Variants in THOP1 observed in about 807,000 individuals in gnomAD.
THOP1 encodes thimet oligopeptidase 1.
THOP1 carries 49 observed loss-of-function variants against 71.8 expected under a neutral mutation model. The observed-to-expected ratio is 0.68, with a 90% CI of 0.54 to 0.87. The LOEUF (loss-of-function observed/expected upper bound fraction) is 0.87, where lower values mean the gene tolerates loss of function less well. Ranked by LOEUF, THOP1 falls within the 40% of genes least tolerant of loss-of-function variation. THOP1 has a pLI of 0.00. For missense variants in THOP1, 843 were observed against 975.6 expected, an observed-to-expected ratio of 0.86 and a Z score of 1.81; for synonymous variants, 426 against 421.5, an observed-to-expected ratio of 1.01 and a Z score of -0.13.
chr19:2,811,744 GACT>G lies in THOP1; in HGVS notation c.1908+11_1908+13del. On this transcript the variant is annotated intron_variant, in intron 12 of 12. Coordinates refer to ENST00000307741, the MANE Select transcript of THOP1 (RefSeq NM_003249.5). The stretch of plus-strand genomic sequence containing the variant: ...TGTCCTGAACAGCAAGGTACGCGGG[GACT>G]GGGGACAGGGAGGGCGTCCTGAACG... 6.4e-7 allele frequency: 1 copy of G among 1,573,072 alleles called. No individual in the cohort carries two copies. The highest frequency in any genetic ancestry group is 8.6e-7 in the Non-Finnish European group (1 of 1,157,082).
Position 2,796,170 on chromosome 19 carries a change from C to T in THOP1, c.468C>T (p.Leu156=). 1.2e-6 allele frequency: 2 copies of T among 1,613,248 alleles called. No homozygotes were observed. The highest frequency in any genetic ancestry group is 1.7e-6 in the Non-Finnish European group (2 of 1,179,672). ...IKLGRRNGLH[L]PRETQENIKR... is the part of the protein sequence containing the mutation. ...TGGGCCGGAGAAATGGGCTTCACCT[C>T]CCCAGAGAGACTCAGGAAGTGAGTG... Residue 156 remains leucine, a synonymous_variant, in exon 4 of 13, where the codon CTC becomes CTT. Coordinates refer to ENST00000307741, the MANE Select transcript of THOP1 (RefSeq NM_003249.5).
intron 7 of THOP1, 116 bp from the exon 8 acceptor site, chr19:2,807,326 T>G (rs1916318056): frequency 7.0e-7 from 1 of 1,426,564 alleles, no homozygotes; most frequent in African/African-American, 1.4e-5. Context: ...TGCCGGGAAC[T>G]GCGGGTCCTC....
At chr19:2,789,334 C>T (rs1212738234) in intron 1 of THOP1, among the ~76,000 whole-genome samples, 2 of 152,180 alleles carry the variant, frequency 1.3e-5, no homozygotes, top group Admixed American at 1.3e-4. Context: ...TGTGCCGAGC[C>T]GCACTGACTT....
At chr19:2,794,660 CG>C (rs1568319894) in intron 2 of THOP1, 103 bp from the exon 3 acceptor site, 33 of 1,401,624 alleles carry the variant, frequency 2.4e-5, no homozygotes, top group Non-Finnish European at 2.9e-5. Flanking sequence ...AGAGAGTTCA[CG>C]GGGGGATTCA....
Position 2,808,327 on chromosome 19 carries a change from G to A in THOP1, c.1338G>A (p.Ala446=), listed in dbSNP as rs746781701. 3.0e-5 allele frequency: 48 copies of A among 1,598,726 alleles called. 1 individual carries two copies. The South Asian group carries it at 3.8e-4, about 13-fold the overall frequency. ...ATGGGAGCCGCCAGATCGCCATCGC[G>A]GCCATGGTGGCCAACTTCACCAAGC... ...RQDGSRQIAI[A]AMVANFTKPT... Residue 446 remains alanine (A), a synonymous_variant, in exon 9 of 13, where the codon GCG becomes GCA. Transcript: ENST00000307741.
At chr19:2,811,307 C>T (rs762651844) in intron 11 of THOP1, among the ~76,000 whole-genome samples, 13 of 152,320 alleles carry the variant, frequency 8.5e-5, no homozygotes, top group East Asian at 1.9e-4. Context: ...GTTGCGTGGG[C>T]GTGCCTTGCT....
At chr19:2,812,877 G>A (rs959631956) in intron 12 of THOP1, among the ~76,000 whole-genome samples, 79 of 152,288 alleles carry the variant, frequency 5.2e-4, no homozygotes, top group African/African-American at 1.6e-3. Context: ...GAGCCACCTC[G>A]GGAGTTTGGG....
chr19:2,813,060 C>G, intron 12 of THOP1, 55 bp from the exon 13 acceptor site: 2 of 1,540,136 alleles, frequency 1.3e-6, no homozygotes, highest in South Asian at 2.5e-5. Flanking sequence ...TCCTGGGGTC[C>G]TCTGCCTTCC....
At position 2,808,240 on chromosome 19, in the gene THOP1, C is replaced by A. The variant is rs1352406484; in HGVS notation, c.1254-3C>A. On this transcript the variant is annotated splice_region_variant and splice_polypyrimidine_tract_variant and intron_variant, in intron 8 of 12. Coordinates refer to ENST00000307741, the MANE Select transcript of THOP1 (RefSeq NM_003249.5). Reference sequence around the variant, plus strand: ...CGGGGCCTGACGCTGCCTCCCTCCCCAGGGAAGGAAAGTACGGGCACGCGG... The same window carrying A: ...CGGGGCCTGACGCTGCCTCCCTCCCAAGGGAAGGAAAGTACGGGCACGCGG... The A allele has an allele frequency of 2.6e-6, 4 of 1,545,622 alleles. No individual in the cohort carries two copies. The highest frequency in any genetic ancestry group is 2.0e-5 in the Admixed American group (1 of 50,720).
At chr19:2,792,365 A>C (rs1329302926) in intron 2 of THOP1, among the ~76,000 whole-genome samples, 3 of 151,306 alleles carry the variant, frequency 2.0e-5, no homozygotes, top group Non-Finnish European at 4.4e-5. Context: ...AGGTCTTGCT[A>C]TATTGCCCAG....
rs1198914511 is a variant in THOP1 at position 2,807,715 on chromosome 19, C to T, written c.1160C>T (p.Ala387Val). Residue 387 changes from alanine (A) to valine (V), a missense_variant, in exon 8 of 13, where the codon GCC (alanine) becomes GTC (valine). By Grantham distance (64) the Ala-to-Val change is moderately conservative. Transcript: ENST00000307741. ...CTGGCCTTCCACCACGAGGAGGGCG[C>T]CAGTGCCTGGCATGAGGACGTGCGG... is the stretch of plus-strand genomic sequence containing the variant. ...LGLAFHHEEGASAWHEDVRLY... is the reference protein window; with the variant it reads ...LGLAFHHEEGVSAWHEDVRLY... 2 of 1,600,152 alleles carry T rather than the reference C, an allele frequency of 1.2e-6. No homozygotes were observed. The highest frequency in any genetic ancestry group is 1.7e-6 in the Non-Finnish European group (2 of 1,171,306).
In THOP1 at chr19:2,811,649, A is replaced by G; in HGVS notation, c.1823A>G (p.Gln608Arg). The G allele has an allele frequency of 6.2e-7, 1 of 1,613,444 alleles. No homozygotes were observed. The highest frequency in any genetic ancestry group is 1.1e-5 in the South Asian group (1 of 91,084). Reference protein sequence around the residue: ...FGHLAGGYDAQYYGYLWSEVY... With the variant: ...FGHLAGGYDARYYGYLWSEVY... ...CATCTGGCAGGTGGCTACGACGCCCAGTACTACGGGTACCTGTGGAGCGAG... is the reference window on the plus strand; with the variant it reads ...CATCTGGCAGGTGGCTACGACGCCCGGTACTACGGGTACCTGTGGAGCGAG... The change falls in exon 12 of 13, where the codon CAG becomes CGG. Residue 608 changes from glutamine (Q) to arginine (R), a missense_variant. Gln to Arg is a conservative substitution (Grantham distance 43). Transcript: ENST00000307741.
Position 2,807,041 on chromosome 19 carries a change from C to T in THOP1, c.875C>T (p.Ala292Val), listed in dbSNP as rs1446025288. 1.2e-6 allele frequency: 2 copies of T among 1,610,250 alleles called. No homozygotes were observed. The highest frequency in any genetic ancestry group is 1.7e-6 in the Non-Finnish European group (2 of 1,178,626). The part of the protein sequence containing the change: ...MNMAKTSQTV[A>V]TFLDELAQKL... ...ATGGCCAAGACCAGCCAGACCGTGG[C>T]CACCTTCCTAGGTAGCCCTTCCTTC... The change falls in exon 7 of 13, where the codon GCC (alanine) becomes GTC (valine). Residue 292 changes from alanine to valine, a missense_variant. Ala to Val is a moderately conservative substitution (Grantham distance 64). Coordinates refer to ENST00000307741, the MANE Select transcript of THOP1 (RefSeq NM_003249.5).
At chr19:2,793,497 C>G (rs762405631) in intron 2 of THOP1, among the ~76,000 whole-genome samples, 10 of 152,106 alleles carry the variant, frequency 6.6e-5, no homozygotes, top group Non-Finnish European at 1.3e-4. Flanking sequence ...CAAGACCAGC[C>G]TGGCCAACAT....
At position 2,790,458 on chromosome 19, in the gene THOP1, C is replaced by T. The variant is rs1320251135; in HGVS notation, c.54C>T (p.Cys18=). 6.3e-7 allele frequency: 1 copy of T among 1,595,220 alleles called. No homozygotes were observed. Among genetic ancestry groups the T allele is most frequent in the South Asian group, 1.1e-5 (1 of 88,594 alleles). Residue 18 remains cysteine (C), a synonymous_variant, in exon 2 of 13, where the codon TGC becomes TGT. Transcript: ENST00000307741. ...ACATGGCGGACGCAGCATCTCCGTGCTCTGTGGTAAACGACCTGCGGTGGG... is the reference window on the plus strand; with the variant it reads ...ACATGGCGGACGCAGCATCTCCGTGTTCTGTGGTAAACGACCTGCGGTGGG... The part of the protein sequence containing the change: ...AGDMADAASP[C]SVVNDLRWDL...
At chr19:2,785,853 C>G (rs1292619010) in intron 1 of THOP1, among the ~76,000 whole-genome samples, 175 bp downstream of exon 1, 1 of 152,128 alleles carries the variant, frequency 6.6e-6, no homozygotes, top group Non-Finnish European at 1.5e-5. Context: ...ATGAATGAAC[C>G]AGCTTTTCCA....
rs778031797 is a variant in THOP1 at position 2,813,234 on chromosome 19, G to A, written c.2028G>A (p.Gly676=). The A allele has an allele frequency of 5.0e-6, 8 of 1,611,812 alleles. No individual in the cohort carries two copies. The highest frequency in any genetic ancestry group is 1.7e-5 in the Admixed American group (1 of 59,958). Residue 676 remains glycine (G), a synonymous_variant, in exon 13 of 13, where the codon GGG becomes GGA. Coordinates refer to ENST00000307741, the MANE Select transcript of THOP1 (RefSeq NM_003249.5). ...AGGACGCCTTCCTCCTGAGCAAGGG[G>A]CTGCAGGTCGGGGGCTGCGAGCCCG... ...PKQDAFLLSK[G]LQVGGCEPEP...
chr19:2,786,036 A>G lies in THOP1; in HGVS notation c.16+358A>G, dbSNP rs1034210663. On this transcript the variant is annotated intron_variant, in intron 1 of 12. Transcript: ENST00000307741. ...AAGAGAGGATCGAAGATAGGGAGGG[A>G]TCGGTGCTCTGGTGCAGATAAACAC... 5.9e-5 allele frequency among the ~76,000 whole-genome samples: 9 copies of G among 152,222 alleles called. No individual in the cohort carries two copies. The East Asian group carries it at 1.7e-3, about 29-fold the overall frequency.
intron 11 of THOP1, 29 bp from the exon 12 acceptor site, chr19:2,811,569 G>A (rs1178584855): frequency 1.2e-6 from 2 of 1,604,628 alleles, no homozygotes; most frequent in African/African-American, 1.3e-5. Flanking sequence ...GGGGGCTACA[G>A]CGTGAACCCT....
Sources: gnomAD v4.1 joint callset for allele counts (sites outside exome capture counted in the v4.1 genomes callset) on GRCh38, gnomAD v4.1.1 for gene constraint, MANE v1.5 for transcripts, NCBI Gene and HGNC (gene_info 2026-07-23, HGNC 2026-07-21) for gene names.